KCNQ1: variants seen among roughly 807,000 people sequenced by gnomAD.
The protein encoded by KCNQ1 is potassium voltage-gated channel subfamily Q member 1.
Under a neutral mutation model 72.4 loss-of-function variants are expected in KCNQ1, and 49 were observed. That is an observed-to-expected ratio of 0.68 (90% confidence interval 0.54 to 0.86). KCNQ1 has a LOEUF of 0.86. KCNQ1 is among the 40% of genes least tolerant of loss of function. KCNQ1 has a pLI of 0.00. For missense variants in KCNQ1, 790 were observed against 945.1 expected (o/e 0.84, Z 2.15); for synonymous variants, 450 against 412.6 (o/e 1.09, Z -1.10).
At chr11:2,539,972 C>T (rs1847796851) in intron 2 of KCNQ1, among the ~76,000 whole-genome samples, 1 of 152,178 alleles carries the variant, frequency 6.6e-6, no homozygotes, top group South Asian at 2.1e-4. Flanking sequence ...GCAGCTGACA[C>T]AACACAACGG....
At chr11:2,739,144 G>A (rs554903729) in intron 11 of KCNQ1, among the ~76,000 whole-genome samples, 1 of 152,344 alleles carries the variant, frequency 6.6e-6, no homozygotes, top group Admixed American at 6.5e-5. Context: ...TCTGGCACAG[G>A]CAGGTACCCC....
chr11:2,551,685 G>A (rs1847985742), intron 2 of KCNQ1, among the ~76,000 whole-genome samples: 1 of 152,216 alleles, frequency 6.6e-6, no homozygotes, highest in Non-Finnish European at 1.5e-5. Context: ...AAAGCATTTT[G>A]CAAAATGGTA....
At position 2,591,580 on chromosome 11, in the gene KCNQ1, G is replaced by C. The variant is rs144128120; in HGVS notation, c.1393+2726G>C. Among the ~76,000 whole-genome samples the C allele has an allele frequency of 3.0e-3, 460 of 152,356 alleles. 3 individuals are homozygous for C. Among genetic ancestry groups the C allele is most frequent in the African/African-American group, 0.01 (421 of 41,590 alleles). On this transcript the variant is annotated intron_variant, in intron 10 of 15. Transcript: ENST00000155840. ...CAGGTGGGCGTGGCCGGGGGCTGGGGACCCAGCCTGTGTGCGGCCTGGAGA... is the reference window on the plus strand; with the variant it reads ...CAGGTGGGCGTGGCCGGGGGCTGGGCACCCAGCCTGTGTGCGGCCTGGAGA...
At chr11:2,835,866 G>C (rs1848053393) in intron 15 of KCNQ1, among the ~76,000 whole-genome samples, 1 of 152,216 alleles carries the variant, frequency 6.6e-6, no homozygotes, top group Admixed American at 6.5e-5. Flanking sequence ...GCCTCGTGGG[G>C]CTGTTGGGAG....
chr11:2,708,436 C>G (rs1397441068), intron 11 of KCNQ1, among the ~76,000 whole-genome samples: 1 of 152,204 alleles, frequency 6.6e-6, no homozygotes, highest in African/African-American at 2.4e-5. Flanking sequence ...AACTTCTCTT[C>G]AGGGCACCCA....
intron 10 of KCNQ1, chr11:2,615,069 G>A: frequency 2.5e-6 from 1 of 398,156 alleles, no homozygotes; most frequent in Non-Finnish European, 4.4e-6. Context: ...TTTAATTTTT[G>A]TCAACAGTGT....
Position 2,507,470 on chromosome 11 carries a change from A to AG in KCNQ1, c.387-20455dup, listed in dbSNP as rs1463205036. Among the ~76,000 whole-genome samples, 16 of 152,176 alleles carry AG rather than the reference A, an allele frequency of 1.1e-4. No homozygotes were observed. The highest frequency in any genetic ancestry group is 3.6e-4 in the African/African-American group (15 of 41,432). ...AGTCAGGACCACTGCTGTAGAAAAC[A>AG]GGGTTTGCAGGTAGATAAGGTGGCG... On this transcript the variant is annotated intron_variant, in intron 1 of 15. Coordinates refer to ENST00000155840, the MANE Select transcript of KCNQ1 (RefSeq NM_000218.3). This position sits in a 1 kb window ranked among gnomAD's most constrained non-coding sequence, Gnocchi z 5.4.
At chr11:2,833,644 C>A (rs535193247) in intron 15 of KCNQ1, among the ~76,000 whole-genome samples, 27 of 152,358 alleles carry the variant, frequency 1.8e-4, no homozygotes, top group African/African-American at 6.5e-4. Context: ...CAGCCCCTGT[C>A]TTGCAGAGGC....
intron 14 of KCNQ1, 75 bp downstream of exon 14, chr11:2,777,107 T>TC (rs1342009446): frequency 1.4e-6 from 2 of 1,441,212 alleles, no homozygotes; most frequent in Admixed American, 3.5e-5. Context: ...CTCCTGGCTC[T>TC]CCCCATGATG....
intron 6 of KCNQ1, among the ~76,000 whole-genome samples, chr11:2,578,482 TG>T (rs1848453482): frequency 1.3e-5 from 2 of 152,318 alleles, no homozygotes; most frequent in African/African-American, 4.8e-5. Context: ...CTCAGCCTAC[TG>T]GGGGCACTGA....
chr11:2,641,916 A>G (rs1849585762), intron 10 of KCNQ1: 1 of 398,318 alleles, frequency 2.5e-6, no homozygotes, highest in Admixed American at 4.4e-5. Context: ...TGTTCTTGGC[A>G]TCTTTGTCAA....
rs1264957484 is a variant in KCNQ1, at chr11:2,445,502, C to A, written c.386+18C>A. On this transcript the variant is annotated intron_variant, in intron 1 of 15. Transcript: ENST00000155840. ...TTCGCCGTGTGAGTATCGCCACCGGCGACGGCCGGCACGAAGGTGCTTCCT... is the reference window on the plus strand; with the variant it reads ...TTCGCCGTGTGAGTATCGCCACCGGAGACGGCCGGCACGAAGGTGCTTCCT... 2.5e-6 allele frequency: 4 copies of A among 1,588,786 alleles called. No homozygotes were observed. Among genetic ancestry groups the A allele is most frequent in the Middle Eastern group, 1.7e-4 (1 of 5,936 alleles).
chr11:2,839,210 G>A (rs1470772642), intron 15 of KCNQ1, among the ~76,000 whole-genome samples: 6 of 152,222 alleles, frequency 3.9e-5, no homozygotes, highest in African/African-American at 1.4e-4. Context: ...CAGCTCCCTG[G>A]CCTCTGGGTG....
chr11:2,633,014 A>C (rs973806378), intron 10 of KCNQ1: 1 of 398,392 alleles, frequency 2.5e-6, no homozygotes, highest in African/African-American at 2.1e-5. Context: ...ATAATGACTC[A>C]CTAATTTATA....
intron 11 of KCNQ1, chr11:2,665,107 G>A (rs1019680569): frequency 6.5e-5 from 26 of 398,356 alleles, no homozygotes; most frequent in South Asian, 2.5e-4. Context: ...GAGTGGCGTC[G>A]CTGCACCCCA....
rs1425264237 is a variant in KCNQ1 at position 2,563,223 on chromosome 11, T to A, written c.478-7405T>A. Among the ~76,000 whole-genome samples, 2 of 152,116 alleles carry A rather than the reference T, an allele frequency of 1.3e-5. No homozygotes were observed. Among genetic ancestry groups the A allele is most frequent in the Admixed American group, 1.3e-4 (2 of 15,276 alleles). ...GCTATGTTGGAGATTCGCCGGCTGA[T>A]AAAAGCAAAACAATAGATAAGATGG... On this transcript the variant is annotated intron_variant, in intron 2 of 15. Transcript: ENST00000155840. This position sits in a 1 kb window ranked among gnomAD's most constrained non-coding sequence, Gnocchi z 7.4.
At chr11:2,650,367 C>T (rs752080072) in intron 10 of KCNQ1, 10 of 398,352 alleles carry the variant, frequency 2.5e-5, no homozygotes, top group Non-Finnish European at 4.4e-5. Flanking sequence ...ATCTGCATAT[C>T]TGGAATAACA....
intron 15 of KCNQ1, among the ~76,000 whole-genome samples, chr11:2,793,026 C>T (rs948941336): frequency 6.6e-6 from 1 of 152,170 alleles, no homozygotes; most frequent in African/African-American, 2.4e-5. Context: ...GTCTGCTGCC[C>T]GCAAAGGGAT....
At chr11:2,525,354 C>A (rs903205622) in intron 1 of KCNQ1, among the ~76,000 whole-genome samples, 1 of 152,226 alleles carries the variant, frequency 6.6e-6, no homozygotes, top group African/African-American at 2.4e-5. Flanking sequence ...ACAGGGTTGG[C>A]CCGGAGGCTC....
Sources: gnomAD v4.1 joint callset for allele counts (sites outside exome capture counted in the v4.1 genomes callset) on GRCh38, gnomAD v4.1.1 for gene constraint, Gnocchi (gnomAD v3.1) non-coding constraint, MANE v1.5 for transcripts, NCBI Gene and HGNC (gene_info 2026-07-23, HGNC 2026-07-21) for gene names.